Variants in GARNL3 observed in about 807,000 individuals in gnomAD.
The protein encoded by GARNL3 is GTPase-activating Rap/Ran-GAP domain-like protein 3.
In GARNL3, 63 loss-of-function variants were observed where a neutral mutation model predicts 125.0. The ratio of observed to expected loss-of-function variants is 0.50; its 90% confidence interval spans 0.41 to 0.62. GARNL3 has a LOEUF of 0.62. Ranked by LOEUF, GARNL3 falls within the 20% of genes least tolerant of loss-of-function variation. The pLI, the probability that GARNL3 is intolerant of heterozygous loss-of-function variation, is 0.00. For synonymous variants in GARNL3, 439 were observed against 457.5 expected, an observed-to-expected ratio of 0.96 and a Z score of 0.52; for missense variants, 994 against 1,244.0, an observed-to-expected ratio of 0.80 and a Z score of 3.02.
At chr9:127,389,299 G>C (rs1312807616) in intron 26 of GARNL3, among the ~76,000 whole-genome samples, 180 bp downstream of exon 26, 1 of 152,176 alleles carries the variant, frequency 6.6e-6, no homozygotes, top group East Asian at 1.9e-4. Flanking sequence ...GCCACCAACA[G>C]TGATGTTGTT....
At chr9:127,342,391 A>G (rs1564158943) in intron 14 of GARNL3, 57 bp downstream of exon 14, 1 of 1,127,706 alleles carries the variant, frequency 8.9e-7, no homozygotes, top group Non-Finnish European at 1.4e-6. Flanking sequence ...TGAGAACACA[A>G]GTCCTCAACT....
At chr9:127,255,227 A>G (rs976474388) in intron 2 of GARNL3, among the ~76,000 whole-genome samples, 1 of 152,216 alleles carries the variant, frequency 6.6e-6, no homozygotes. Flanking sequence ...TTGTTTAAAC[A>G]TTGGAAACAA....
At chr9:127,322,294 C>T (rs903318481) in intron 6 of GARNL3, among the ~76,000 whole-genome samples, 3 of 152,108 alleles carry the variant, frequency 2.0e-5, no homozygotes, top group Non-Finnish European at 4.4e-5. Flanking sequence ...CCAAAACCCA[C>T]AGAGCCAGAG....
chr9:127,282,710 T>C (rs2064135932), intron 1 of GARNL3, among the ~76,000 whole-genome samples: 1 of 152,222 alleles, frequency 6.6e-6, no homozygotes, highest in Non-Finnish European at 1.5e-5. Context: ...CTGTGATTTA[T>C]ATACCTGAAT....
rs569071338 is a variant in GARNL3, at chr9:127,230,689, T to A, written c.-29+6351T>A. On this transcript the variant is annotated intron_variant, in intron 1 of 10. Coordinates refer to the GARNL3 transcript ENST00000439286. ...AAAAAAAAAGACGTTTACATAAAAA[T>A]TCTTCTCAACCTTTTCCTCCCCTTG... Among the ~76,000 whole-genome samples the A allele has an allele frequency of 4.6e-5, 7 of 151,438 alleles. No homozygotes were observed. The East Asian group carries it at 1.4e-3, about 29-fold the overall frequency.
intron 1 of GARNL3, among the ~76,000 whole-genome samples, chr9:127,229,070 C>G (rs1313858064): frequency 6.6e-6 from 1 of 152,190 alleles, no homozygotes; most frequent in African/African-American, 2.4e-5. Context: ...GTGATCCACC[C>G]GTCTCGGCCT....
upstream of GARNL3, chr9:127,263,779 T>G (rs2063642949): frequency 1.6e-6 from 2 of 1,235,862 alleles, no homozygotes; most frequent in Non-Finnish European, 2.0e-6. Flanking sequence ...ATTTCTCATA[T>G]AAGATTAATT....
chr9:127,376,628 G>A (rs1163345586), intron 22 of GARNL3, among the ~76,000 whole-genome samples: 1 of 151,876 alleles, frequency 6.6e-6, no homozygotes, highest in Non-Finnish European at 1.5e-5. Flanking sequence ...TTTAAAGGAT[G>A]TCTTATTACT....
intron 22 of GARNL3, among the ~76,000 whole-genome samples, chr9:127,365,638 TGTGTGCCAGGTGCC>T: frequency 6.6e-6 from 1 of 152,168 alleles, no homozygotes; most frequent in East Asian, 1.9e-4. Context: ...AGGCCCTTAC[TGTGTGCCAGGTGCC>T]GTGCTCGGTA....
At chr9:127,355,508 A>G in intron 20 of GARNL3, 36 bp downstream of exon 20, 1 of 1,599,112 alleles carries the variant, frequency 6.3e-7, no homozygotes, top group Non-Finnish European at 8.6e-7. Flanking sequence ...TCTCCCAACC[A>G]AGTTGTCTTG....
chr9:127,246,631 C>T (rs1429885133), intron 2 of GARNL3, among the ~76,000 whole-genome samples: 1 of 152,090 alleles, frequency 6.6e-6, no homozygotes, highest in Non-Finnish European at 1.5e-5. Flanking sequence ...CAAGGTGAAA[C>T]CCCGTCTCTA....
intron 2 of GARNL3, among the ~76,000 whole-genome samples, chr9:127,249,866 A>C (rs188878854): frequency 8.5e-5 from 13 of 152,160 alleles, no homozygotes; most frequent in Admixed American, 7.2e-4. Flanking sequence ...AAAATTAGCC[A>C]GATGTGGTGG....
chr9:127,225,937 C>T (rs1023879503), intron 1 of GARNL3, among the ~76,000 whole-genome samples: 2 of 152,194 alleles, frequency 1.3e-5, no homozygotes, highest in Middle Eastern at 3.2e-3. Flanking sequence ...TACAGCCGCC[C>T]GGGCGCGTGC....
At chr9:127,328,436 C>G (rs1426148513) in intron 7 of GARNL3, among the ~76,000 whole-genome samples, 1 of 152,094 alleles carries the variant, frequency 6.6e-6, no homozygotes, top group Admixed American at 6.5e-5. Flanking sequence ...GGCAGGTAAT[C>G]CAATAAAGAA....
At chr9:127,342,372 G>A (rs1173036034) in intron 14 of GARNL3, 38 bp downstream of exon 14, 1 of 1,348,758 alleles carries the variant, frequency 7.4e-7, no homozygotes, top group African/African-American at 1.4e-5. Context: ...CTTCTTATGG[G>A]GTCTGAGTTG....
At chr9:127,260,458 G>A (rs1316035576), upstream of GARNL3, among the ~76,000 whole-genome samples, 1 of 152,212 alleles carries the variant, frequency 6.6e-6, no homozygotes, top group Non-Finnish European at 1.5e-5. Context: ...CTGACATGGT[G>A]TCAGAATTTT....
chr9:127,342,713 G>A (rs1181233156), intron 14 of GARNL3, among the ~76,000 whole-genome samples: 1 of 151,870 alleles, frequency 6.6e-6, no homozygotes, highest in East Asian at 1.9e-4. Context: ...GGCAAAGGTG[G>A]GATTTTTAGA....
rs2063714517 is a variant in GARNL3, at chr9:127,266,746, A to C, written c.144+1725A>C. 6.6e-6 allele frequency among the ~76,000 whole-genome samples: 1 copy of C among 152,258 alleles called. No homozygotes were observed. The highest frequency in any genetic ancestry group is 2.4e-5 in the African/African-American group (1 of 41,472). ...AGCTGCAGTCATAAAGACAAAATTC[A>C]GTAGCAAAAGTAGAGCCTTGACTGT... On this transcript the variant is annotated intron_variant, in intron 1 of 27. Transcript: ENST00000373387. This position sits in a 1 kb window ranked among gnomAD's most constrained non-coding sequence, Gnocchi z 4.0.
chr9:127,266,807 A>G lies in GARNL3; in HGVS notation c.144+1786A>G, dbSNP rs946139761. ...CTTTGGACTTGGCCTAGCAAGTAAT[A>G]TGGAGCGCTTTTAAACAGTGACAAC... is the stretch of plus-strand genomic sequence containing the variant. On this transcript the variant is annotated intron_variant, in intron 1 of 27. Coordinates refer to ENST00000373387, the MANE Select transcript of GARNL3 (RefSeq NM_032293.5). This position sits in a 1 kb window ranked among gnomAD's most constrained non-coding sequence, Gnocchi z 4.0. Among the ~76,000 whole-genome samples, 2 of 152,186 alleles carry G rather than the reference A, an allele frequency of 1.3e-5. No homozygotes were observed. The highest frequency in any genetic ancestry group is 2.9e-5 in the Non-Finnish European group (2 of 68,026).
Sources: gnomAD v4.1 joint callset for allele counts (sites outside exome capture counted in the v4.1 genomes callset) on GRCh38, gnomAD v4.1.1 for gene constraint, Gnocchi (gnomAD v3.1) non-coding constraint, MANE v1.5 for transcripts, NCBI Gene and HGNC (gene_info 2026-07-23, HGNC 2026-07-21) for gene names.